Variants in SGK3 observed in about 807,000 individuals in gnomAD.
SGK3 encodes serine/threonine-protein kinase Sgk3.
A neutral mutation model predicts 68.5 loss-of-function variants in SGK3; 47 were observed. The observed-to-expected ratio is 0.69, with a 90% CI of 0.54 to 0.87. The LOEUF is 0.87. Ranked by LOEUF, SGK3 falls within the 40% of genes least tolerant of loss-of-function variation. The probability of loss-of-function intolerance (pLI) is 0.00; values close to 1 mark genes in which losing one functional copy is unlikely to be tolerated. For missense variants in SGK3, 479 were observed against 575.5 expected, an observed-to-expected ratio of 0.83 and a Z score of 1.72; for synonymous variants, 181 against 189.1, an observed-to-expected ratio of 0.96 and a Z score of 0.35.
At chr8:66,726,329 G>T (rs1804984449) in intron 1 of SGK3, among the ~76,000 whole-genome samples, 1 of 152,134 alleles carries the variant, frequency 6.6e-6, no homozygotes, top group African/African-American at 2.4e-5. Flanking sequence ...GCAACACGAG[G>T]CAGAGCTGAC....
chr8:66,774,501 C>T (rs1806618373), intron 1 of SGK3, among the ~76,000 whole-genome samples: 1 of 152,036 alleles, frequency 6.6e-6, no homozygotes, highest in African/African-American at 2.4e-5. Flanking sequence ...TGTCCAGACT[C>T]AGATGCATTA....
At chr8:66,749,864 A>G (rs1025355152) in intron 1 of SGK3, among the ~76,000 whole-genome samples, 2 of 151,028 alleles carry the variant, frequency 1.3e-5, no homozygotes, top group African/African-American at 2.5e-5. Context: ...TTAAGTATGT[A>G]AAAAATAGAA....
chr8:66,841,704 C>T (rs1051237623), intron 13 of SGK3, among the ~76,000 whole-genome samples: 3 of 152,070 alleles, frequency 2.0e-5, no homozygotes. Flanking sequence ...TAAGTGTTTA[C>T]TTACTAGAAG....
chr8:66,849,403 A>C (rs1810169806), intron 15 of SGK3, among the ~76,000 whole-genome samples: 1 of 152,014 alleles, frequency 6.6e-6, no homozygotes, highest in African/African-American at 2.4e-5. Context: ...TTCCATATTC[A>C]ACAAACAGCC....
chr8:66,821,197 C>A (rs994758079), intron 5 of SGK3, among the ~76,000 whole-genome samples: 8 of 152,102 alleles, frequency 5.3e-5, no homozygotes, highest in Non-Finnish European at 1.0e-4. Context: ...TCTCTTCATC[C>A]TTCTTCTTCA....
chr8:66,840,776 A>G (rs1331012212), intron 12 of SGK3: 6 of 263,122 alleles, frequency 2.3e-5, no homozygotes, highest in Non-Finnish European at 3.5e-5. Flanking sequence ...GCGAAACACC[A>G]TCTCTACTAA....
Position 66,793,782 on chromosome 8 carries a change from G to A in SGK3, c.46G>A (p.Val16Ile), listed in dbSNP as rs752166025. The A allele has an allele frequency of 1.9e-6, 3 of 1,613,486 alleles. No homozygotes were observed. Among genetic ancestry groups the A allele is most frequent in the Non-Finnish European group, 2.5e-6 (3 of 1,179,636 alleles). ...TMDYKESCPSVSIPSSDEHRE... is the reference protein window; with the variant it reads ...TMDYKESCPSISIPSSDEHRE... The stretch of plus-strand genomic sequence containing the variant: ...GGACTACAAGGAAAGCTGCCCAAGT[G>A]TAAGCATTCCCAGCTCCGATGAACA... The change falls in exon 2 of 17, where the codon GTA becomes ATA. Residue 16 changes from valine (V) to isoleucine (I), a missense_variant. Around this residue, in one of 3 missense-constraint regions of SGK3, gnomAD observed 298 missense variants for 329.4 expected, o/e 0.90. Transcript: ENST00000521198.
intron 1 of SGK3, among the ~76,000 whole-genome samples, chr8:66,728,171 A>G (rs545599047): frequency 6.6e-6 from 1 of 152,254 alleles, no homozygotes; most frequent in Admixed American, 6.5e-5. Context: ...GCCCCAAGTA[A>G]TGACAAATTA....
intron 1 of SGK3, among the ~76,000 whole-genome samples, chr8:66,742,970 C>T (rs1000868516): frequency 6.6e-6 from 1 of 152,208 alleles, no homozygotes; most frequent in African/African-American, 2.4e-5. Context: ...TACTTACCTT[C>T]CTTTCACCTG....
chr8:66,779,676 T>C (rs1199465245), intron 1 of SGK3, among the ~76,000 whole-genome samples: 1 of 138,636 alleles, frequency 7.2e-6, no homozygotes, highest in Non-Finnish European at 1.5e-5. Flanking sequence ...ATGTATAAAA[T>C]TAGGGCATAT....
chr8:66,829,082 G>A (rs1392701461), intron 7 of SGK3, among the ~76,000 whole-genome samples: 4 of 151,774 alleles, frequency 2.6e-5, no homozygotes, highest in African/African-American at 9.7e-5. Flanking sequence ...AGGCCTAATT[G>A]ACATTCTGCT....
At chr8:66,810,045 A>G (rs1563639646) in intron 4 of SGK3, among the ~76,000 whole-genome samples, 1 of 152,204 alleles carries the variant, frequency 6.6e-6, no homozygotes. Context: ...TATTCCGCTC[A>G]TTAGAAGGTA....
intron 1 of SGK3, among the ~76,000 whole-genome samples, chr8:66,788,452 G>C (rs1400500145): frequency 6.6e-6 from 1 of 152,122 alleles, no homozygotes; most frequent in East Asian, 1.9e-4. Flanking sequence ...CCCTTTTCTT[G>C]GTGCTTGTTA....
At chr8:66,761,315 G>GT (rs1020289798) in intron 1 of SGK3, among the ~76,000 whole-genome samples, 2 of 152,020 alleles carry the variant, frequency 1.3e-5, no homozygotes, top group Non-Finnish European at 1.5e-5. Context: ...GGGTTTTTTT[G>GT]TTTTTTAACT....
chr8:66,827,441 C>G (rs1475304681), intron 6 of SGK3, among the ~76,000 whole-genome samples: 1 of 143,254 alleles, frequency 7.0e-6, no homozygotes, highest in African/African-American at 2.6e-5. Flanking sequence ...TTTTTAAAAG[C>G]TTTTTTATAT....
intron 10 of SGK3, among the ~76,000 whole-genome samples, chr8:66,836,819 C>G (rs1407468810): frequency 6.8e-6 from 1 of 148,134 alleles, no homozygotes; most frequent in African/African-American, 2.5e-5. Context: ...CTCTGTCACC[C>G]AGGCTGGAGT....
At chr8:66,802,275 C>G (rs1807976330) in intron 3 of SGK3, among the ~76,000 whole-genome samples, 1 of 152,082 alleles carries the variant, frequency 6.6e-6, no homozygotes, top group African/African-American at 2.4e-5. Flanking sequence ...TTCAAAAACA[C>G]AAATTATTTT....
intron 4 of SGK3, among the ~76,000 whole-genome samples, chr8:66,811,191 A>AT (rs921329073): frequency 6.6e-6 from 1 of 151,988 alleles, no homozygotes; most frequent in African/African-American, 2.4e-5. Flanking sequence ...AATTTTTAAA[A>AT]TTTTTTTGTA....
At position 66,770,316 on chromosome 8, in the gene SGK3, A is replaced by G. The variant is rs1473188683; in HGVS notation, c.-121-23300A>G. ...TTTCTGTTTCTTTGCATGCCTTGTAATACTGAATGCCACATATTCAATATT... is the reference window on the plus strand; with the variant it reads ...TTTCTGTTTCTTTGCATGCCTTGTAGTACTGAATGCCACATATTCAATATT... On this transcript the variant is annotated intron_variant, in intron 1 of 16. Coordinates refer to ENST00000521198, the MANE Select transcript of SGK3 (RefSeq NM_001033578.3). Among the ~76,000 whole-genome samples the G allele has an allele frequency of 2.6e-5, 4 of 152,170 alleles. No individual in the cohort carries two copies. In the South Asian group the frequency reaches 8.3e-4, roughly 31 times the overall value.
Sources: gnomAD v4.1 joint callset for allele counts (sites outside exome capture counted in the v4.1 genomes callset) on GRCh38, gnomAD v4.1.1 for gene constraint, gnomAD v4.1.1 regional missense constraint, MANE v1.5 for transcripts, NCBI Gene and HGNC (gene_info 2026-07-23, HGNC 2026-07-21) for gene names.